The following C1QBP variants were observed in gnomAD, a reference collection of about 807,000 sequenced individuals.
The protein encoded by C1QBP is complement component 1 Q subcomponent-binding protein, mitochondrial.
A neutral mutation model predicts 29.4 loss-of-function variants in C1QBP; 24 were observed. The observed-to-expected ratio is 0.82, with a 90% CI of 0.59 to 1.15. The LOEUF is 1.15. C1QBP is among the 50% of genes most tolerant of loss of function. C1QBP has a pLI of 0.00. For missense variants in C1QBP, 337 were observed against 355.8 expected, an observed-to-expected ratio of 0.95 and a Z score of 0.43; for synonymous variants, 182 against 149.2, an observed-to-expected ratio of 1.22 and a Z score of -1.60.
rs1805437 is a variant in C1QBP, at chr17:5,439,109, G to C, written c.-36C>G. 3.2e-5 allele frequency: 49 copies of C among 1,538,970 alleles called. No homozygotes were observed. The South Asian group carries it at 5.0e-4, about 16-fold the overall frequency. On this transcript the variant is annotated 5_prime_UTR_variant, in exon 1 of 6. Coordinates refer to ENST00000225698, the MANE Select transcript of C1QBP (RefSeq NM_001212.4). ...ACTGCGAACACGTGCAGATGCAAAG[G>C]ACAACCCAGGCCTAGGCGCCCCGCG...
chr17:5,436,812 C>G (rs1034517569), intron 2 of C1QBP, among the ~76,000 whole-genome samples: 37 of 152,192 alleles, frequency 2.4e-4, no homozygotes, highest in African/African-American at 6.5e-4. Flanking sequence ...GAGGTCAGGA[C>G]TTTGAGACCA....
In C1QBP at chr17:5,438,255, T is replaced by C; in HGVS notation, c.251A>G (p.Asp84Gly). The change falls in exon 2 of 6, where the codon GAT becomes GGT. Residue 84 changes from aspartate to glycine, a missense_variant. Coordinates refer to ENST00000225698, the MANE Select transcript of C1QBP (RefSeq NM_001212.4). ...LHTDGDKAFV[D>G]FLSDEIKEER... is the part of the protein sequence containing the mutation. ...CTCCTTAATTTCATCACTCAGGAAA[T>C]CAACAAAAGCTTTGTCTCCTAGAAA... is the stretch of plus-strand genomic sequence containing the variant. 6.2e-7 allele frequency: 1 copy of C among 1,613,840 alleles called. No homozygotes were observed. The highest frequency in any genetic ancestry group is 8.5e-7 in the Non-Finnish European group (1 of 1,179,918).
At position 5,433,281 on chromosome 17, in the gene C1QBP, T is replaced by C; in HGVS notation, c.699+12A>G. 6.2e-7 allele frequency: 1 copy of C among 1,614,182 alleles called. No homozygotes were observed. The highest frequency in any genetic ancestry group is 1.3e-5 in the African/African-American group (1 of 75,044). On this transcript the variant is annotated intron_variant, in intron 5 of 5. Coordinates refer to ENST00000225698, the MANE Select transcript of C1QBP (RefSeq NM_001212.4). ...AGGCCCAAAAGGTTCCCCCACCTTA[T>C]CAAGCACTCACCCAGTCCAAGGAAT...
At chr17:5,434,288 G>A (rs1916195259) in intron 3 of C1QBP, among the ~76,000 whole-genome samples, 1 of 152,110 alleles carries the variant, frequency 6.6e-6, no homozygotes, top group South Asian at 2.1e-4. Flanking sequence ...AGAGAGCTGC[G>A]CCGTCCACAC....
At chr17:5,437,046 A>G (rs1199605495) in intron 2 of C1QBP, among the ~76,000 whole-genome samples, 1 of 126,390 alleles carries the variant, frequency 7.9e-6, no homozygotes, top group African/African-American at 3.3e-5. Flanking sequence ...CTCCATTTAT[A>G]TGAAATGTCC....
At chr17:5,436,094 G>A (rs183386510) in intron 2 of C1QBP, among the ~76,000 whole-genome samples, 47 of 149,104 alleles carry the variant, frequency 3.2e-4, no homozygotes, top group Admixed American at 7.3e-4. Context: ...CTCCACTTGT[G>A]CTAACTAGCT....
At chr17:5,433,593 A>C in intron 4 of C1QBP, 76 bp downstream of exon 4, 1 of 1,553,736 alleles carries the variant, frequency 6.4e-7, no homozygotes, top group Non-Finnish European at 8.9e-7. Flanking sequence ...ATTTCTGCTA[A>C]AATAGGGACA....
intron 2 of C1QBP, among the ~76,000 whole-genome samples, chr17:5,435,306 T>C (rs1210371165): frequency 1.3e-5 from 2 of 152,180 alleles, no homozygotes; most frequent in Non-Finnish European, 2.9e-5. Flanking sequence ...GGGCATCTCA[T>C]GGCCACAGCC....
At chr17:5,435,455 G>A (rs9898942) in intron 2 of C1QBP, among the ~76,000 whole-genome samples, 13,509 of 152,160 alleles carry the variant, frequency 0.089, 609 homozygotes, top group East Asian at 0.12. Flanking sequence ...AGGAAGAAGC[G>A]ATGGAGGGTG....
chr17:5,432,832 A>T lies in C1QBP; in HGVS notation c.*183T>A. 1.1e-6 allele frequency: 1 copy of T among 908,536 alleles called. No individual in the cohort carries two copies. The highest frequency in any genetic ancestry group is 1.6e-6 in the Non-Finnish European group (1 of 634,278). The allele number at this position is 908,536 out of a possible 1,614,324, so 56.3% of individuals were successfully genotyped here. ...CATGTTATACAAAAATCTAGAAATAATAGATTTGTACAGAAAAAAATGATA... is the reference window on the plus strand; with the variant it reads ...CATGTTATACAAAAATCTAGAAATATTAGATTTGTACAGAAAAAAATGATA... On this transcript the variant is annotated 3_prime_UTR_variant, in exon 6 of 6. Transcript: ENST00000225698.
intron 2 of C1QBP, 69 bp from the exon 3 acceptor site, chr17:5,435,035 CAT>C: frequency 7.5e-7 from 1 of 1,331,322 alleles, no homozygotes; most frequent in Non-Finnish European, 1.1e-6. Flanking sequence ...CAGGTTAACA[CAT>C]AAACATGGAA....
Position 5,438,955 on chromosome 17 carries a change from G to GT in C1QBP, c.118dup (p.Thr40AsnfsTer45), listed in dbSNP as rs1318991638. ...CACGCTGAGCAGCCCGAAGGGCCGGGTGCACAGCCGGGGTGCCGGCTGCAG... is the reference window on the plus strand; with the variant it reads ...CACGCTGAGCAGCCCGAAGGGCCGGGTTGCACAGCCGGGGTGCCGGCTGCAG... On this transcript the variant is annotated frameshift_variant, in exon 1 of 6. Transcript: ENST00000225698. LOFTEE classifies it high-confidence loss of function. 24 of 1,509,852 alleles carry GT rather than the reference G, an allele frequency of 1.6e-5. No individual in the cohort carries two copies. The highest frequency in any genetic ancestry group is 1.9e-5 in the Non-Finnish European group (22 of 1,131,368). 93.5% of individuals were successfully genotyped at this position (1,509,852 alleles called of 1,614,324 possible).
rs1050461 is a variant in C1QBP at position 5,432,890 on chromosome 17, T to G, written c.*125A>C. ...AGAACACAAAACATATAATTTAAAT[T>G]TGGTATTTTTTCCCCCATGATATTA... On this transcript the variant is annotated 3_prime_UTR_variant, in exon 6 of 6. Transcript: ENST00000225698. The G allele has an allele frequency of 8.8e-7, 1 of 1,133,126 alleles. No individual in the cohort carries two copies. The highest frequency in any genetic ancestry group is 3.1e-4 in the Middle Eastern group (1 of 3,238). 70.2% of individuals were successfully genotyped at this position (1,133,126 alleles called of 1,614,324 possible). A position where few individuals can be genotyped will look rare whatever the true frequency, so the allele number is the denominator to read the frequency against.
chr17:5,438,318 T>TA (rs1467482099), intron 1 of C1QBP, 45 bp from the exon 2 acceptor site: 1 of 1,595,366 alleles, frequency 6.3e-7, no homozygotes, highest in Non-Finnish European at 8.5e-7. Context: ...CCAGTTAGTC[T>TA]AAAACATAAA....
At chr17:5,433,944 C>G (rs547911994) in intron 3 of C1QBP, 177 bp from the exon 4 acceptor site, 28 of 632,022 alleles carry the variant, frequency 4.4e-5, no homozygotes, top group Non-Finnish European at 6.7e-5. Context: ...TGTTGGCACC[C>G]TGCTTGGTTA....
chr17:5,436,559 A>C (rs1389941166), intron 2 of C1QBP, among the ~76,000 whole-genome samples: 1 of 151,728 alleles, frequency 6.6e-6, no homozygotes, highest in Non-Finnish European at 1.5e-5. Context: ...CAAGCGACCA[A>C]AAAAATAGGT....
In C1QBP at chr17:5,434,464, C is replaced by CTTTTTT. The variant is rs576803401; in HGVS notation, c.477+403_477+408dup. 7.0e-3 allele frequency among the ~76,000 whole-genome samples: 680 copies of CTTTTTT among 97,834 alleles called. 40 individuals carry two copies. The highest frequency in any genetic ancestry group is 0.035 in the East Asian group (90 of 2,604). 64.2% of individuals were successfully genotyped at this position (97,834 alleles called of 152,430 possible). On this transcript the variant is annotated intron_variant, in intron 3 of 5. Coordinates refer to ENST00000225698, the MANE Select transcript of C1QBP (RefSeq NM_001212.4). ...CTTATGCCCCTGCCATTCTCTCTCT[C>CTTTTTT]TTTTTTTTTTTTTTTTTTTTTTGAG...
chr17:5,438,988 C>G lies in C1QBP; in HGVS notation c.86G>C (p.Arg29Pro). Residue 29 changes from arginine (R) to proline (P), a missense_variant, in exon 1 of 6, where the codon CGG becomes CCG. By Grantham distance (103) the Arg-to-Pro change is moderately radical. Coordinates refer to ENST00000225698, the MANE Select transcript of C1QBP (RefSeq NM_001212.4). ...LRAAAPASPFRQLLQPAPRLC... is the reference protein window; with the variant it reads ...LRAAAPASPFPQLLQPAPRLC... ...CCGGGGTGCCGGCTGCAGGAGCTGC[C>G]GGAAAGGCGAGGCGGGCGCGGCAGC... 2 of 1,502,868 alleles carry G rather than the reference C, an allele frequency of 1.3e-6. No homozygotes were observed. Among genetic ancestry groups the G allele is most frequent in the Non-Finnish European group, 1.8e-6 (2 of 1,128,324 alleles). 93.1% of individuals were successfully genotyped at this position (1,502,868 alleles called of 1,614,324 possible).
Position 5,433,076 on chromosome 17 carries a change from A to G in C1QBP, c.788T>C (p.Leu263Pro). 1 of 1,614,172 alleles carries G rather than the reference A, an allele frequency of 6.2e-7. No individual in the cohort carries two copies. Among genetic ancestry groups the G allele is most frequent in the Non-Finnish European group, 8.5e-7 (1 of 1,180,024 alleles). The stretch of plus-strand genomic sequence containing the variant: ...AAAAGTAATGTACTCCTGGTGCTCC[A>G]GGGCTGTGCTGAGCTCCACCAGCTC... ...ADELVELSTA[L>P]EHQEYITFLE... is the part of the protein sequence containing the mutation. Residue 263 changes from leucine to proline, a missense_variant, in exon 6 of 6, where the codon CTG (leucine) becomes CCG (proline). Leu to Pro is a moderately conservative substitution (Grantham distance 98). Transcript: ENST00000225698.
Sources: allele counts gnomAD v4.1 joint callset (sites outside exome capture counted in the v4.1 genomes callset), GRCh38; gene constraint gnomAD v4.1.1; transcripts MANE v1.5; gene names NCBI Gene and HGNC (gene_info 2026-07-23, HGNC 2026-07-21).